Variants in EPHA5 observed in about 807,000 individuals in gnomAD.
EPHA5 encodes ephrin type-A receptor 5.
In EPHA5, 60 loss-of-function variants were observed where a neutral mutation model predicts 105.0. That is an observed-to-expected ratio of 0.57 (90% CI 0.46 to 0.71). EPHA5 has a LOEUF of 0.71. EPHA5 is among the 30% of genes least tolerant of loss of function. The probability of loss-of-function intolerance (pLI) is 0.00; values close to 1 mark genes in which losing one functional copy is unlikely to be tolerated. For missense variants in EPHA5, 1,218 were observed against 1,274.7 expected, an observed-to-expected ratio of 0.96 and a Z score of 0.68; for synonymous variants, 513 against 449.1, an observed-to-expected ratio of 1.14 and a Z score of -1.80.
intron 16 of EPHA5, chr4:65,331,127 A>G (rs2148795395): frequency 9.7e-7 from 1 of 1,035,972 alleles, no homozygotes; most frequent in East Asian, 5.7e-5. Flanking sequence ...TAAACCTTAC[A>G]ATATTTTAAC....
At chr4:65,644,952 T>G (rs1488735017) in intron 1 of EPHA5, among the ~76,000 whole-genome samples, 1 of 152,068 alleles carries the variant, frequency 6.6e-6, no homozygotes, top group African/African-American at 2.4e-5. Context: ...TTGTATCATT[T>G]TTAACCTACT....
intron 2 of EPHA5, among the ~76,000 whole-genome samples, chr4:65,639,949 T>C (rs1014145959): frequency 5.3e-5 from 8 of 152,224 alleles, no homozygotes; most frequent in African/African-American, 1.9e-4. Flanking sequence ...ATTGATACTT[T>C]GAATTCAATT....
chr4:65,490,493 A>G lies in EPHA5; in HGVS notation c.1286T>C (p.Val429Ala). The G allele has an allele frequency of 6.2e-7, 1 of 1,614,174 alleles. No individual in the cohort carries two copies. The highest frequency in any genetic ancestry group is 8.5e-7 in the Non-Finnish European group (1 of 1,180,030). ...SGLKNTSVMM[V>A]DLLAHTNYTF... ...ATAGTTTGTGTGAGCGAGTAGATCC[A>G]CCATCATGACAGAGGTGTTTTTCAG... Residue 429 changes from valine (V) to alanine (A), a missense_variant, in exon 5 of 17, where the codon GTG becomes GCG. This residue lies in a region of EPHA5 where 971 missense variants were observed against 1,013.5 expected (regional missense o/e 0.96). Transcript: ENST00000613740.
chr4:65,378,341 T>C (rs982100423), intron 8 of EPHA5, among the ~76,000 whole-genome samples: 1 of 151,908 alleles, frequency 6.6e-6, no homozygotes, highest in Non-Finnish European at 1.5e-5. Context: ...AGAGTCAGAG[T>C]TACAGTATAT....
At chr4:65,392,174 G>C (rs1451174) in intron 8 of EPHA5, among the ~76,000 whole-genome samples, 96,559 of 151,956 alleles carry the variant, frequency 0.64, 31,931 homozygotes, top group East Asian at 0.85. Flanking sequence ...AAATTATGAT[G>C]TGCTCTCTAA....
At chr4:65,537,441 G>A (rs1736396609) in intron 3 of EPHA5, among the ~76,000 whole-genome samples, 2 of 151,874 alleles carry the variant, frequency 1.3e-5, no homozygotes, top group East Asian at 3.9e-4. Flanking sequence ...AAACCTGCCA[G>A]AGAATGCTTA....
Position 65,353,116 on chromosome 4 carries a change from CAG to C in EPHA5, c.2174-15_2174-14del, listed in dbSNP as rs770011665. On this transcript the variant is annotated splice_polypyrimidine_tract_variant and intron_variant, in intron 11 of 16. Transcript: ENST00000613740. ...ATCACTGGTTTACCTGAAAAGAAAA[CAG>C]AGTGATATAACCTGCTGCTCTTCGA... 3.9e-6 allele frequency: 6 copies of C among 1,539,442 alleles called. No individual in the cohort carries two copies. Among genetic ancestry groups the C allele is most frequent in the Admixed American group, 2.0e-5 (1 of 51,040 alleles).
intron 8 of EPHA5, among the ~76,000 whole-genome samples, chr4:65,379,862 A>C (rs1325307084): frequency 6.6e-6 from 1 of 151,822 alleles, no homozygotes; most frequent in Non-Finnish European, 1.5e-5. Flanking sequence ...ATTAGATAAT[A>C]CTGTGCATTA....
In EPHA5 at chr4:65,630,067, A is replaced by T. The variant is rs957298827; in HGVS notation, c.246+13296T>A. ...GAAGCCTCCCTCTACACACACACAC[A>T]CTCTCTCTCTCTCTCACACACACAC... On this transcript the variant is annotated intron_variant, in intron 2 of 16. Transcript: ENST00000613740. Among the ~76,000 whole-genome samples, 7 of 133,506 alleles carry T rather than the reference A, an allele frequency of 5.2e-5. No individual in the cohort carries two copies. The South Asian group carries it at 1.3e-3, about 24-fold the overall frequency. The allele number at this position is 133,506 out of a possible 152,430, so 87.6% of individuals were successfully genotyped here.
chr4:65,387,763 A>C (rs1486986981), intron 8 of EPHA5, among the ~76,000 whole-genome samples: 4 of 151,946 alleles, frequency 2.6e-5, no homozygotes, highest in Non-Finnish European at 5.9e-5. Flanking sequence ...ACAAATGTAG[A>C]ATACTGGTTT....
intron 3 of EPHA5, among the ~76,000 whole-genome samples, chr4:65,576,105 A>AAAG (rs1293759557): frequency 1.3e-5 from 1 of 79,154 alleles, no homozygotes; most frequent in Non-Finnish European, 2.6e-5. Flanking sequence ...AAAGAAAAGA[A>AAAG]AAGAAAAGAA....
intron 3 of EPHA5, among the ~76,000 whole-genome samples, chr4:65,513,778 A>T (rs898178254): frequency 2.0e-5 from 3 of 152,100 alleles, no homozygotes; most frequent in Non-Finnish European, 2.9e-5. Flanking sequence ...TATCTTATTT[A>T]AAAAAACGTC....
chr4:65,535,554 A>C (rs1736210760), intron 3 of EPHA5, among the ~76,000 whole-genome samples: 1 of 152,080 alleles, frequency 6.6e-6, no homozygotes, highest in Admixed American at 6.6e-5. Flanking sequence ...TAGTATTATA[A>C]ATTTTTAAGG....
At chr4:65,510,915 A>G (rs1317447173) in intron 3 of EPHA5, among the ~76,000 whole-genome samples, 2 of 152,190 alleles carry the variant, frequency 1.3e-5, no homozygotes, top group African/African-American at 2.4e-5. Flanking sequence ...GGTAAATATG[A>G]TCACATTAGG....
At chr4:65,484,781 T>C (rs1578224327) in intron 5 of EPHA5, among the ~76,000 whole-genome samples, 1 of 152,070 alleles carries the variant, frequency 6.6e-6, no homozygotes, top group South Asian at 2.1e-4. Flanking sequence ...AGAAACAAAG[T>C]ATATATTTAT....
At chr4:65,607,114 G>C (rs1421909489) in intron 2 of EPHA5, among the ~76,000 whole-genome samples, 2 of 151,812 alleles carry the variant, frequency 1.3e-5, no homozygotes, top group Non-Finnish European at 2.9e-5. Flanking sequence ...GGTATGTTTT[G>C]TTTCACACAC....
chr4:65,366,110 A>G lies in EPHA5; in HGVS notation c.1862-53T>C, dbSNP rs534050363. The G allele has an allele frequency of 2.5e-4, 378 of 1,507,662 alleles. 2 individuals are homozygous for G. Among genetic ancestry groups the G allele is most frequent in the Admixed American group, 1.7e-3 (98 of 58,026 alleles). The allele number at this position is 1,507,662 out of a possible 1,614,324, so 93.4% of individuals were successfully genotyped here. A position where few individuals can be genotyped will look rare whatever the true frequency, so the allele number is the denominator to read the frequency against. On this transcript the variant is annotated intron_variant, in intron 9 of 16. Transcript: ENST00000613740. ...GAAGTAGTTGTGATGGATGAGCAAA[A>G]TTATGAACTTTATTAACATGCAAGT...
chr4:65,516,836 A>G (rs547165660), intron 3 of EPHA5, among the ~76,000 whole-genome samples: 1 of 152,200 alleles, frequency 6.6e-6, no homozygotes, highest in African/African-American at 2.4e-5. Context: ...ACTTAATCCC[A>G]TTGTGGTCAG....
At chr4:65,433,678 T>C (rs1168371653) in intron 5 of EPHA5, among the ~76,000 whole-genome samples, 1 of 152,188 alleles carries the variant, frequency 6.6e-6, no homozygotes, top group Non-Finnish European at 1.5e-5. Context: ...GTGTTTCTTC[T>C]GGAGGCTTCA....
Sources: gnomAD v4.1 joint callset for allele counts (sites outside exome capture counted in the v4.1 genomes callset) on GRCh38, gnomAD v4.1.1 for gene constraint, gnomAD v4.1.1 regional missense constraint, MANE v1.5 for transcripts, NCBI Gene and HGNC (gene_info 2026-07-23, HGNC 2026-07-21) for gene names.